Variants in NBPF15 observed in about 807,000 individuals in gnomAD.
NBPF15 encodes the protein NBPF family member NBPF15.
In NBPF15, 74 loss-of-function variants were observed where a neutral mutation model predicts 62.2. The ratio of observed to expected loss-of-function variants is 1.19; its 90% CI spans 0.99 to 1.44. The LOEUF (loss-of-function observed/expected upper bound fraction) is 1.44. Among genes scored for constraint, NBPF15 ranks in the 40% most tolerant of loss-of-function variants. The pLI, the probability that NBPF15 is intolerant of heterozygous loss-of-function variation, is 0.00. For missense variants in NBPF15, 790 were observed against 550.0 expected, an observed-to-expected ratio of 1.44 and a Z score of -4.36; for synonymous variants, 244 against 209.7, an observed-to-expected ratio of 1.16 and a Z score of -1.41.
At chr1:144,426,723 C>G (rs1336900818) in intron 17 of NBPF15, among the ~76,000 whole-genome samples, 4 of 151,790 alleles carry the variant, frequency 2.6e-5, no homozygotes, top group African/African-American at 9.7e-5. Context: ...TCAAAGGACA[C>G]TCTGAGTTAG....
Position 144,455,631 on chromosome 1 carries a change from G to A in NBPF15, c.-432+906C>T, listed in dbSNP as rs1487199890. On this transcript the variant is annotated intron_variant, in intron 4 of 21. Coordinates refer to ENST00000581897, the MANE Select transcript of NBPF15 (RefSeq NM_001385408.1). ...CAGAAGCTTCCCAGCTGCAGGTGGG[G>A]GCCTCAGCCCCTGGGTCTGACATCG... Among the ~76,000 whole-genome samples, 3 of 152,020 alleles carry A rather than the reference G, an allele frequency of 2.0e-5. 1 individual carries two copies. The highest frequency in any genetic ancestry group is 7.2e-5 in the African/African-American group (3 of 41,386).
At chr1:144,426,829 C>A (rs1375094875) in intron 17 of NBPF15, among the ~76,000 whole-genome samples, 4 of 149,824 alleles carry the variant, frequency 2.7e-5, no homozygotes, top group African/African-American at 7.4e-5. Context: ...TGCCATACAG[C>A]CTTTGAGGTA....
At chr1:144,442,099 C>CGT (rs1167255457) in intron 6 of NBPF15, among the ~76,000 whole-genome samples, 2 of 108,520 alleles carry the variant, frequency 1.8e-5, no homozygotes, top group East Asian at 5.3e-4. Flanking sequence ...ACATGGCACA[C>CGT]GTGTATATAT....
rs1203128039 is a variant in NBPF15, at chr1:144,428,489, T to A, written c.1040+117A>T. 7 of 866,724 alleles carry A rather than the reference T, an allele frequency of 8.1e-6. No homozygotes were observed. The East Asian group carries it at 1.4e-4, about 18-fold the overall frequency. 53.7% of individuals were successfully genotyped at this position (866,724 alleles called of 1,614,324 possible). A position where few individuals can be genotyped will look rare whatever the true frequency, so the allele number is the denominator to read the frequency against. On this transcript the variant is annotated intron_variant, in intron 15 of 21. Coordinates refer to ENST00000581897, the MANE Select transcript of NBPF15 (RefSeq NM_001385408.1). ...GAACCAAAAAGCAATGTAGTAGGCA[T>A]AATTCAGACTTGTCTGACAAGACAA... is the stretch of plus-strand genomic sequence containing the variant.
intron 4 of NBPF15, among the ~76,000 whole-genome samples, chr1:144,455,128 G>A (rs587734594): frequency 6.8e-6 from 1 of 147,910 alleles, no homozygotes; most frequent in Non-Finnish European, 1.5e-5. Flanking sequence ...AGGGAGGAAG[G>A]GAGGGAGGAA....
Position 144,453,272 on chromosome 1 carries a change from T to A in NBPF15, c.-431-2402A>T, listed in dbSNP as rs587639133. 9.6e-4 allele frequency among the ~76,000 whole-genome samples: 146 copies of A among 151,478 alleles called. 1 individual carries two copies. Among genetic ancestry groups the A allele is most frequent in the African/African-American group, 3.1e-3 (128 of 41,260 alleles). On this transcript the variant is annotated intron_variant, in intron 4 of 21. Transcript: ENST00000581897. ...TTCCAACTAGTGGTGCTAGAACAGC[T>A]GGACAACCACATGCAAAAAAATAAA...
chr1:144,458,289 A>G (rs1230345670), intron 3 of NBPF15, among the ~76,000 whole-genome samples: 2 of 151,990 alleles, frequency 1.3e-5, no homozygotes, highest in Admixed American at 6.6e-5. Flanking sequence ...TAAAAATTGT[A>G]AAAAAGATAA....
At chr1:144,436,116 G>A (rs1298557357) in intron 10 of NBPF15, among the ~76,000 whole-genome samples, 5 of 152,020 alleles carry the variant, frequency 3.3e-5, no homozygotes, top group African/African-American at 4.8e-5. Flanking sequence ...GGCTTGTGCA[G>A]CCTCTCTCTG....
chr1:144,428,070 A>T (rs1180921671), intron 15 of NBPF15, 80 bp from the exon 16 acceptor site: 3 of 779,548 alleles, frequency 3.8e-6, no homozygotes, highest in African/African-American at 1.7e-5. Flanking sequence ...CATGGCTAAC[A>T]TAAGGAAGAG....
chr1:144,431,847 A>T (rs1674598768), intron 13 of NBPF15, among the ~76,000 whole-genome samples: 1 of 143,624 alleles, frequency 7.0e-6, no homozygotes, highest in Non-Finnish European at 1.5e-5. Flanking sequence ...GCTGCATAGT[A>T]TTCCATGGTG....
chr1:144,423,744 A>T, intron 21 of NBPF15, 126 bp downstream of exon 21: 1 of 692,626 alleles, frequency 1.4e-6, no homozygotes, highest in Non-Finnish European at 2.6e-6. Context: ...GAAAACCAAC[A>T]GCAATGACAG....
At chr1:144,424,512 C>A (rs1352438771) in intron 20 of NBPF15, among the ~76,000 whole-genome samples, 178 bp downstream of exon 20, 2 of 151,994 alleles carry the variant, frequency 1.3e-5, no homozygotes, top group Non-Finnish European at 2.9e-5. Context: ...TGCTCACTGA[C>A]CCATCCCTTG....
intron 21 of NBPF15, 24 bp downstream of exon 21, chr1:144,423,846 G>A: frequency 1.3e-6 from 1 of 763,322 alleles, no homozygotes; most frequent in Non-Finnish European, 2.4e-6. Context: ...ACAGAATTAA[G>A]CATCCACAAT....
In NBPF15 at chr1:144,459,885, G is replaced by A. The variant is rs61812054; in HGVS notation, c.-818-402C>T. 1.9e-4 allele frequency among the ~76,000 whole-genome samples: 29 copies of A among 151,770 alleles called. 1 individual carries two copies. The South Asian group carries it at 2.3e-3, about 12-fold the overall frequency. On this transcript the variant is annotated intron_variant, in intron 2 of 21. Coordinates refer to ENST00000581897, the MANE Select transcript of NBPF15 (RefSeq NM_001385408.1). The stretch of plus-strand genomic sequence containing the variant: ...AATGGTACAACCACTTTGGGAAAAC[G>A]TTCAACAATATGTAATACTAAGTTT...
At chr1:144,442,180 AATATATATAC>A (rs1683712800) in intron 6 of NBPF15, among the ~76,000 whole-genome samples, 2 of 96,372 alleles carry the variant, frequency 2.1e-5, no homozygotes, top group Non-Finnish European at 4.0e-5. Context: ...ATATATATAT[AATATATATAC>A]ACGTGTATAT....
chr1:144,432,394 C>T (rs1342096295), intron 13 of NBPF15, among the ~76,000 whole-genome samples: 1 of 151,978 alleles, frequency 6.6e-6, no homozygotes, highest in African/African-American at 2.4e-5. Context: ...GAAGAAACTG[C>T]ATCAACTAAC....
At chr1:144,437,521 G>C (rs1366917776) in intron 9 of NBPF15, among the ~76,000 whole-genome samples, 6 of 149,622 alleles carry the variant, frequency 4.0e-5, no homozygotes, top group Non-Finnish European at 8.9e-5. Flanking sequence ...TTGAAAAGAC[G>C]AAAGAAGAAA....
chr1:144,442,688 T>A (rs1684463663), intron 6 of NBPF15: 1 of 162,152 alleles, frequency 6.2e-6, no homozygotes, highest in African/African-American at 2.4e-5. Context: ...TGGGCCGCCA[T>A]CCCAGGGAAA....
At chr1:144,445,777 A>G (rs1392754409) in intron 6 of NBPF15, among the ~76,000 whole-genome samples, 1 of 146,548 alleles carries the variant, frequency 6.8e-6, no homozygotes, top group Admixed American at 6.8e-5. Flanking sequence ...CCACTAATTT[A>G]GTTCTTTCAT....
Sources: allele counts gnomAD v4.1 joint callset (sites outside exome capture counted in the v4.1 genomes callset), GRCh38; gene constraint gnomAD v4.1.1; transcripts MANE v1.5; gene names NCBI Gene and HGNC (gene_info 2026-07-23, HGNC 2026-07-21).